Variants in FAM171A1 observed in about 807,000 individuals in gnomAD.
FAM171A1 encodes family with sequence similarity 171 member A1.
In FAM171A1, 23 loss-of-function variants were observed where a neutral mutation model predicts 74.9. The observed-to-expected ratio is 0.31, with a 90% confidence interval of 0.22 to 0.44. The LOEUF (loss-of-function observed/expected upper bound fraction) is 0.44. Ranked by LOEUF, FAM171A1 falls within the 20% of genes least tolerant of loss-of-function variation. FAM171A1 has a pLI of 1.00. For synonymous variants in FAM171A1, 527 were observed against 505.7 expected (o/e 1.04, Z -0.57); for missense variants, 1,162 against 1,159.2 (o/e 1.00, Z -0.03).
chr10:15,340,442 A>G (rs1835752266), intron 1 of FAM171A1, among the ~76,000 whole-genome samples: 1 of 152,192 alleles, frequency 6.6e-6, no homozygotes, highest in African/African-American at 2.4e-5. Flanking sequence ...CAATAAACTT[A>G]TAAAGTACAG....
At chr10:15,337,110 GACACA>G (rs1835710250) in intron 1 of FAM171A1, among the ~76,000 whole-genome samples, 1 of 151,564 alleles carries the variant, frequency 6.6e-6, no homozygotes, top group African/African-American at 2.4e-5. Flanking sequence ...TGAACTCCTG[GACACA>G]AGCAATCCTC....
chr10:15,229,603 TCACC>T, intron 5 of FAM171A1, among the ~76,000 whole-genome samples: 1 of 119,466 alleles, frequency 8.4e-6, no homozygotes, highest in South Asian at 2.7e-4. Flanking sequence ...ATCATCACCA[TCACC>T]ATCATCACCA....
chr10:15,336,736 GACAGAACTAACATGTTTTCTC>G (rs888831091), intron 1 of FAM171A1, among the ~76,000 whole-genome samples: 9 of 152,114 alleles, frequency 5.9e-5, no homozygotes, highest in Admixed American at 2.6e-4. Context: ...TTAGTACACT[GACAGAACTAACATGTTTTCTC>G]ACAGAACTAA....
intron 1 of FAM171A1, among the ~76,000 whole-genome samples, chr10:15,319,119 T>C (rs1835456179): frequency 6.6e-6 from 1 of 152,196 alleles, no homozygotes. Context: ...AAAGGCTGAC[T>C]CCACAGGGTG....
Position 15,288,813 on chromosome 10 carries a change from C to CCTTTTT in FAM171A1, c.98-4709_98-4708insAAAAAG, listed in dbSNP as rs777503257. Among the ~76,000 whole-genome samples the CCTTTTT allele has an allele frequency of 7.2e-4, 53 of 73,696 alleles. 1 individual carries two copies. The highest frequency in any genetic ancestry group is 2.5e-3 in the African/African-American group (53 of 20,806). The allele number at this position is 73,696 out of a possible 152,430, so 48.3% of individuals were successfully genotyped here. A position where few individuals can be genotyped will look rare whatever the true frequency, so the allele number is the denominator to read the frequency against. ...AAAATGTCAGTATGATTCGGTAATT[C>CCTTTTT]TTTTTTTTTTTTTTTTTTTTTTTTT... On this transcript the variant is annotated intron_variant, in intron 1 of 7. Coordinates refer to ENST00000378116, the MANE Select transcript of FAM171A1 (RefSeq NM_001010924.2).
In FAM171A1 at chr10:15,290,123, G is replaced by T. The variant is rs570127319; in HGVS notation, c.98-6018C>A. Among the ~76,000 whole-genome samples the T allele has an allele frequency of 8.5e-5, 13 of 152,182 alleles. No homozygotes were observed. In the East Asian group the frequency reaches 2.5e-3, roughly 29 times the overall value. On this transcript the variant is annotated intron_variant, in intron 1 of 7. Transcript: ENST00000378116. Reference sequence around the variant, plus strand: ...CACGCTTGTAGTCTCAGCTACTTGGGAGGCTGAGGCCGGAGAATTGCTTGA... The same window carrying T: ...CACGCTTGTAGTCTCAGCTACTTGGTAGGCTGAGGCCGGAGAATTGCTTGA...
chr10:15,252,458 C>A (rs527530264), intron 4 of FAM171A1, among the ~76,000 whole-genome samples: 1 of 152,258 alleles, frequency 6.6e-6, no homozygotes, highest in Non-Finnish European at 1.5e-5. Context: ...CTGGTCCAGG[C>A]GTGCTCTCTT....
chr10:15,235,430 A>G (rs1230841120), intron 5 of FAM171A1, among the ~76,000 whole-genome samples: 2 of 151,498 alleles, frequency 1.3e-5, no homozygotes, highest in African/African-American at 2.4e-5. Context: ...CTTGCAACAT[A>G]CATACACATG....
At chr10:15,353,018 C>T (rs914320629) in intron 1 of FAM171A1, among the ~76,000 whole-genome samples, 9 of 152,274 alleles carry the variant, frequency 5.9e-5, no homozygotes, top group East Asian at 3.9e-4. Flanking sequence ...TTTAAAAGGG[C>T]GCTCTGTGCT....
chr10:15,322,543 T>C (rs563025681), intron 1 of FAM171A1, among the ~76,000 whole-genome samples: 2 of 152,298 alleles, frequency 1.3e-5, no homozygotes, highest in South Asian at 4.1e-4. Flanking sequence ...ACTGCATGCA[T>C]TCAGCTGCAC....
At chr10:15,322,495 G>A (rs1249592479) in intron 1 of FAM171A1, among the ~76,000 whole-genome samples, 2 of 152,232 alleles carry the variant, frequency 1.3e-5, no homozygotes, top group Non-Finnish European at 2.9e-5. Context: ...GCTAGGTGGA[G>A]TTAGGGCTGA....
intron 1 of FAM171A1, among the ~76,000 whole-genome samples, chr10:15,310,990 G>A (rs1473661526): frequency 1.3e-5 from 2 of 152,140 alleles, no homozygotes; most frequent in African/African-American, 4.8e-5. Context: ...AGGAGGGGCT[G>A]AGTCCAGGCC....
intron 3 of FAM171A1, among the ~76,000 whole-genome samples, chr10:15,263,920 C>T (rs1431258617): frequency 5.3e-5 from 8 of 150,646 alleles, no homozygotes; most frequent in African/African-American, 1.2e-4. Context: ...TCCATCCTTC[C>T]GTCCGTCCGT....
At chr10:15,268,404 A>G (rs569935653) in intron 3 of FAM171A1, among the ~76,000 whole-genome samples, 7 of 152,178 alleles carry the variant, frequency 4.6e-5, no homozygotes, top group Non-Finnish European at 8.8e-5. Context: ...AACCTCATCA[A>G]AAGAATGAGA....
At position 15,258,121 on chromosome 10, in the gene FAM171A1, C is replaced by T. The variant is rs190414221; in HGVS notation, c.419-3242G>A. Among the ~76,000 whole-genome samples, 14 of 152,170 alleles carry T rather than the reference C, an allele frequency of 9.2e-5. No homozygotes were observed. In the East Asian group the frequency reaches 1.9e-3, roughly 21 times the overall value. On this transcript the variant is annotated intron_variant, in intron 3 of 7. Transcript: ENST00000378116. ...TGTTGCCCAGGCTGGAGTGCAGTGG[C>T]GTGATCTCGGCTTACTGCAACCTCT...
At chr10:15,243,306 C>T (rs1834386478) in intron 5 of FAM171A1, among the ~76,000 whole-genome samples, 1 of 152,102 alleles carries the variant, frequency 6.6e-6, no homozygotes, top group African/African-American at 2.4e-5. Flanking sequence ...GTGGGCCCAC[C>T]CAGAAAGTCC....
At chr10:15,333,700 C>T (rs1835668280) in intron 1 of FAM171A1, among the ~76,000 whole-genome samples, 1 of 151,892 alleles carries the variant, frequency 6.6e-6, no homozygotes, top group Admixed American at 6.6e-5. Flanking sequence ...GGTGTGGTGG[C>T]ATAGGCCTGT....
intron 5 of FAM171A1, 132 bp downstream of exon 5, chr10:15,248,507 C>T: frequency 2.2e-6 from 2 of 927,046 alleles, no homozygotes; most frequent in Non-Finnish European, 3.1e-6. Context: ...CATGAGAAAC[C>T]ACACAATGCA....
At chr10:15,261,236 G>T (rs1250798222) in intron 3 of FAM171A1, among the ~76,000 whole-genome samples, 1 of 152,224 alleles carries the variant, frequency 6.6e-6, no homozygotes, top group African/African-American at 2.4e-5. Context: ...GCCACCTGAA[G>T]GAAAACTAAA....
Sources: allele counts gnomAD v4.1 joint callset (sites outside exome capture counted in the v4.1 genomes callset), GRCh38; gene constraint gnomAD v4.1.1; transcripts MANE v1.5; gene names NCBI Gene and HGNC (gene_info 2026-07-23, HGNC 2026-07-21).